The following PLA2R1 variants were observed in gnomAD, a reference collection of about 807,000 sequenced individuals.
PLA2R1 encodes phospholipase A2 receptor 1.
In PLA2R1, 158 loss-of-function variants were observed where a neutral mutation model predicts 195.9. The observed-to-expected ratio is 0.81, with a 90% CI of 0.71 to 0.92. The LOEUF (loss-of-function observed/expected upper bound fraction) is 0.92. PLA2R1 is among the 40% of genes least tolerant of loss of function. The pLI, the probability that PLA2R1 is intolerant of heterozygous loss-of-function variation, is 0.00. For missense variants in PLA2R1, 1,626 were observed against 1,764.6 expected (o/e 0.92, Z 1.41); for synonymous variants, 586 against 598.2 (o/e 0.98, Z 0.30).
At chr2:159,967,439 C>A (rs1688861096) in intron 20 of PLA2R1, 100 bp downstream of exon 20, 7 of 975,244 alleles carry the variant, frequency 7.2e-6, no homozygotes, top group East Asian at 5.1e-5. Context: ...GTCCTATGGA[C>A]AACTCACAGC....
intron 11 of PLA2R1, among the ~76,000 whole-genome samples, chr2:159,999,121 C>T (rs1028340998): frequency 3.3e-5 from 5 of 152,048 alleles, no homozygotes; most frequent in African/African-American, 7.2e-5. Context: ...CATGTGAGGG[C>T]GCTGCAAGAA....
chr2:159,948,833 C>T (rs989163974), intron 25 of PLA2R1, among the ~76,000 whole-genome samples: 2 of 152,124 alleles, frequency 1.3e-5, no homozygotes, highest in South Asian at 2.1e-4. Context: ...TGCACTTTTA[C>T]TAAATGAGAG....
At chr2:159,948,144 G>A (rs1255916104) in intron 25 of PLA2R1, among the ~76,000 whole-genome samples, 2 of 152,174 alleles carry the variant, frequency 1.3e-5, no homozygotes, top group African/African-American at 4.8e-5. Context: ...CCACTTACTA[G>A]CTGCGTGACC....
At chr2:159,996,877 T>C (rs1264501581) in intron 11 of PLA2R1, among the ~76,000 whole-genome samples, 3 of 152,180 alleles carry the variant, frequency 2.0e-5, no homozygotes, top group Non-Finnish European at 2.9e-5. Flanking sequence ...CATTTCTTTT[T>C]GTTTTTTTTC....
At chr2:160,015,753 T>G (rs1411945100) in intron 9 of PLA2R1, among the ~76,000 whole-genome samples, 2 of 152,190 alleles carry the variant, frequency 1.3e-5, no homozygotes, top group Non-Finnish European at 2.9e-5. Context: ...AACTAGAGTA[T>G]GAAGTTCACA....
intron 1 of PLA2R1, among the ~76,000 whole-genome samples, chr2:160,048,830 G>C (rs186957159): frequency 1.3e-4 from 19 of 149,924 alleles, no homozygotes; most frequent in Admixed American, 1.3e-3. Flanking sequence ...TCATTTATTA[G>C]AAGAAACATT....
intron 8 of PLA2R1, among the ~76,000 whole-genome samples, chr2:160,018,368 C>T (rs1454939526): frequency 1.3e-5 from 2 of 152,158 alleles, no homozygotes; most frequent in African/African-American, 4.8e-5. Context: ...GTGGGCCAGG[C>T]GCGGTTGCCC....
At chr2:160,031,859 C>T (rs1693871228) in intron 4 of PLA2R1, among the ~76,000 whole-genome samples, 1 of 152,204 alleles carries the variant, frequency 6.6e-6, no homozygotes. Flanking sequence ...CTCCACCTCC[C>T]AGGTTCAAGT....
At chr2:160,060,104 A>G (rs1274863986) in intron 1 of PLA2R1, among the ~76,000 whole-genome samples, 1 of 152,218 alleles carries the variant, frequency 6.6e-6, no homozygotes, top group African/African-American at 2.4e-5. Flanking sequence ...ATACATATCA[A>G]ACAATTCAGA....
chr2:159,960,986 T>C (rs973135327), intron 20 of PLA2R1, among the ~76,000 whole-genome samples: 1 of 152,228 alleles, frequency 6.6e-6, no homozygotes, highest in Non-Finnish European at 1.5e-5. Flanking sequence ...TCTGTAGCTT[T>C]ATTTGTTAAT....
At chr2:159,987,005 G>A (rs1690392323) in intron 12 of PLA2R1, 151 bp downstream of exon 12, 3 of 616,162 alleles carry the variant, frequency 4.9e-6, no homozygotes, top group East Asian at 2.7e-5. Context: ...AAAGGATAGA[G>A]ACAGGCAACA....
chr2:160,020,316 A>G (rs1511213), intron 7 of PLA2R1, 53 bp from the exon 8 acceptor site: 949,567 of 1,257,664 alleles, frequency 0.76, 361,282 homozygotes, highest in East Asian at 0.87. Flanking sequence ...TGCAAAGGAG[A>G]TAACACCCTG....
chr2:160,044,583 T>C (rs1694744611), intron 2 of PLA2R1, among the ~76,000 whole-genome samples, 191 bp downstream of exon 2: 1 of 152,214 alleles, frequency 6.6e-6, no homozygotes, highest in African/African-American at 2.4e-5. Flanking sequence ...TAGCAGAATG[T>C]AGTATGTCCA....
chr2:159,978,834 G>A (rs963527724), intron 14 of PLA2R1, among the ~76,000 whole-genome samples: 3 of 152,066 alleles, frequency 2.0e-5, no homozygotes, highest in African/African-American at 2.4e-5. Flanking sequence ...ATCTTGGTAC[G>A]GGGCTTTCTC....
At chr2:160,005,603 T>C (rs1329350716) in intron 11 of PLA2R1, 49 bp downstream of exon 11, 3 of 1,539,294 alleles carry the variant, frequency 1.9e-6, no homozygotes, top group Middle Eastern at 1.8e-4. Context: ...GGAAGGAATT[T>C]GGAGTAAAGA....
rs1227233178 is a variant in PLA2R1, at chr2:160,007,759, A to G, written c.1665-1938T>C. On this transcript the variant is annotated intron_variant, in intron 10 of 29. Coordinates refer to ENST00000283243, the MANE Select transcript of PLA2R1 (RefSeq NM_007366.5). Reference sequence around the variant, plus strand: ...TTAAAGAAGCCACAGAGAAATGGAAATAAATCCCGTGTTCATGCCTTGGAA... The same window carrying G: ...TTAAAGAAGCCACAGAGAAATGGAAGTAAATCCCGTGTTCATGCCTTGGAA... Among the ~76,000 whole-genome samples the G allele has an allele frequency of 2.0e-5, 3 of 152,238 alleles. No individual in the cohort carries two copies. The South Asian group carries it at 6.2e-4, about 31-fold the overall frequency.
At chr2:160,028,093 T>C (rs1693632164) in intron 6 of PLA2R1, 125 bp downstream of exon 6, 1 of 616,482 alleles carries the variant, frequency 1.6e-6, no homozygotes, top group Non-Finnish European at 2.8e-6. Context: ...CATCTTTTCA[T>C]ATAAATATAA....
intron 7 of PLA2R1, among the ~76,000 whole-genome samples, 190 bp from the exon 8 acceptor site, chr2:160,020,453 T>C (rs2105465748): frequency 6.6e-6 from 1 of 152,334 alleles, no homozygotes; most frequent in East Asian, 1.9e-4. Context: ...ATGGTTTGAA[T>C]GTTTGTCCCC....
At chr2:159,947,581 G>A in intron 25 of PLA2R1, 22 bp from the exon 26 acceptor site, 1 of 1,610,932 alleles carries the variant, frequency 6.2e-7, no homozygotes, top group Non-Finnish European at 8.5e-7. Context: ...AGCCAGTTAT[G>A]ATTTCAGGGT....
Sources: gnomAD v4.1 joint callset for allele counts (sites outside exome capture counted in the v4.1 genomes callset) on GRCh38, gnomAD v4.1.1 for gene constraint, MANE v1.5 for transcripts, NCBI Gene and HGNC (gene_info 2026-07-23, HGNC 2026-07-21) for gene names.